Variants in SEMA3G observed in about 807,000 individuals in gnomAD.
The protein encoded by SEMA3G is semaphorin 3G, also known as semaphorin-3G.
Under a neutral mutation model 86.2 loss-of-function variants are expected in SEMA3G, and 70 were observed. The ratio of observed to expected loss-of-function variants is 0.81; its 90% confidence interval spans 0.67 to 0.99. The LOEUF is 0.99. Ranked by LOEUF, SEMA3G falls within the 50% of genes least tolerant of loss-of-function variation. The pLI, the probability that SEMA3G is intolerant of heterozygous loss-of-function variation, is 0.00. For missense variants in SEMA3G, 1,002 were observed against 1,072.4 expected, an observed-to-expected ratio of 0.93 and a Z score of 0.92; for synonymous variants, 416 against 441.4, an observed-to-expected ratio of 0.94 and a Z score of 0.72.
At chr3:52,443,116 G>A in intron 1 of SEMA3G, 4 of 1,402,492 alleles carry the variant, frequency 2.9e-6, no homozygotes, top group Non-Finnish European at 3.9e-6. Flanking sequence ...ACCTGGCCCA[G>A]CCTACCCTGG....
chr3:52,438,877 G>A (rs1706095407), intron 13 of SEMA3G, 43 bp downstream of exon 13: 2 of 1,610,254 alleles, frequency 1.2e-6, no homozygotes, highest in African/African-American at 2.7e-5. Flanking sequence ...TGCGGAGCAG[G>A]GGCAGAAGGG....
rs1178857359 is a variant in SEMA3G, at chr3:52,442,813, G to C, written c.210C>G (p.Leu70=). The part of the protein sequence containing the change: ...AMYLDEYRDR[L]FLGGLDALYS... ...AGAGGGCGTCCAGGCCACCCAGAAA[G>C]AGGCGGTCTCGGTACTCATCTAGGT... The change falls in exon 2 of 16, where the codon CTC becomes CTG. Residue 70 remains leucine (L), a synonymous_variant. Coordinates refer to ENST00000231721, the MANE Select transcript of SEMA3G (RefSeq NM_020163.3). This position sits in a 1 kb window ranked among gnomAD's most constrained non-coding sequence, Gnocchi z 6.1. 6.2e-7 allele frequency: 1 copy of C among 1,613,838 alleles called. No individual in the cohort carries two copies. The highest frequency in any genetic ancestry group is 8.5e-7 in the Non-Finnish European group (1 of 1,179,920).
intron 1 of SEMA3G, among the ~76,000 whole-genome samples, chr3:52,443,686 C>T (rs1706204107): frequency 1.3e-5 from 2 of 152,206 alleles, no homozygotes; most frequent in South Asian, 2.1e-4. Flanking sequence ...AACTCATCAA[C>T]GGTCTCTTCC....
rs1052733043 is a variant in SEMA3G, at chr3:52,435,125, G to A, written c.*478C>T. On this transcript the variant is annotated 3_prime_UTR_variant, in exon 16 of 16. Transcript: ENST00000231721. ...TGTGTTCCCTCCCCAAGTCGGTCAG[G>A]TAGGCTCTTCTTACGGGGTGCTAGC... is the stretch of plus-strand genomic sequence containing the variant. 6.2e-6 allele frequency: 1 copy of A among 161,322 alleles called. No homozygotes were observed. The highest frequency in any genetic ancestry group is 2.4e-5 in the African/African-American group (1 of 41,566). The allele number at this position is 161,322 out of a possible 1,614,324, so 10.0% of individuals were successfully genotyped here.
In SEMA3G at chr3:52,435,317, C is replaced by T. The variant is rs776226693; in HGVS notation, c.*286G>A. 10 of 485,870 alleles carry T rather than the reference C, an allele frequency of 2.1e-5. No individual in the cohort carries two copies. Among genetic ancestry groups the T allele is most frequent in the Non-Finnish European group, 3.3e-5 (9 of 269,196 alleles). The allele number at this position is 485,870 out of a possible 1,614,324, so 30.1% of individuals were successfully genotyped here. A position where few individuals can be genotyped will look rare whatever the true frequency, so the allele number is the denominator to read the frequency against. ...TCTGGGCACACCCGGAAATGTGTTG[C>T]GGAAGCCAGGCCATCTCTGAGAACA... On this transcript the variant is annotated 3_prime_UTR_variant, in exon 16 of 16. Transcript: ENST00000231721.
chr3:52,443,985 C>T (rs1706210596), intron 1 of SEMA3G, among the ~76,000 whole-genome samples: 1 of 152,206 alleles, frequency 6.6e-6, no homozygotes, highest in Non-Finnish European at 1.5e-5. Flanking sequence ...ACACAGGAAC[C>T]CCCAGGCTGG....
In SEMA3G at chr3:52,442,495, G is replaced by A. The variant is rs971255445; in HGVS notation, c.339+64C>T. Reference sequence around the variant, plus strand: ...GTAGAGGTACCTGGGGCGTGGTCACGGATTGTCCTGGGGGTCAGGGCAGGG... The same window carrying A: ...GTAGAGGTACCTGGGGCGTGGTCACAGATTGTCCTGGGGGTCAGGGCAGGG... On this transcript the variant is annotated intron_variant, in intron 3 of 15. Transcript: ENST00000231721. The surrounding 1 kb of genome is among the most constrained non-coding windows in gnomAD (Gnocchi z 6.1). 4.4e-6 allele frequency: 7 copies of A among 1,583,452 alleles called. No homozygotes were observed. Among genetic ancestry groups the A allele is most frequent in the South Asian group, 3.3e-5 (3 of 90,360 alleles).
Position 52,436,010 on chromosome 3 carries a change from A to T in SEMA3G, c.1942T>A (p.Phe648Ile). ...RGLLFRRLSRFDAGTYTCTTL... is the reference protein window; with the variant it reads ...RGLLFRRLSRIDAGTYTCTTL... ...GTGCAGGTGTAGGTGCCCGCATCGA[A>T]ACGGCTAAGCCTGCGGAACAGCAGC... The change falls in exon 16 of 16, where the codon TTC becomes ATC. Residue 648 changes from phenylalanine to isoleucine, a missense_variant. Coordinates refer to ENST00000231721, the MANE Select transcript of SEMA3G (RefSeq NM_020163.3). The T allele has an allele frequency of 6.2e-7, 1 of 1,613,658 alleles. No individual in the cohort carries two copies. Among genetic ancestry groups the T allele is most frequent in the Non-Finnish European group, 8.5e-7 (1 of 1,180,018 alleles).
At position 52,435,867 on chromosome 3, in the gene SEMA3G, C is replaced by G. The variant is rs992710184; in HGVS notation, c.2085G>C (p.Arg695=). The G allele has an allele frequency of 9.3e-6, 15 of 1,613,892 alleles. No homozygotes were observed. Among genetic ancestry groups the G allele is most frequent in the African/African-American group, 1.3e-5 (1 of 74,916 alleles). The change falls in exon 16 of 16, where the codon CGG becomes CGC. Residue 695 remains arginine (R), a synonymous_variant. Coordinates refer to ENST00000231721, the MANE Select transcript of SEMA3G (RefSeq NM_020163.3). ...TGGGTGGGGTGGAAGCCAGGCCTCC[C>G]CGGGCTGGGGGCTCCTCTGGCTTTG... is the stretch of plus-strand genomic sequence containing the variant. ...PEPKPEEPPA[R]GGLASTPPKA...
chr3:52,437,346 C>A (rs1254949754), intron 15 of SEMA3G, among the ~76,000 whole-genome samples, 181 bp downstream of exon 15: 15 of 152,284 alleles, frequency 9.9e-5, no homozygotes, highest in African/African-American at 2.9e-4. Flanking sequence ...CCTGGGCATT[C>A]CCAAAAGGCA....
Position 52,442,410 on chromosome 3 carries a change from TG to T in SEMA3G, c.340-107del. 2.1e-6 allele frequency: 1 copy of T among 479,340 alleles called. No individual in the cohort carries two copies. The highest frequency in any genetic ancestry group is 4.1e-6 in the Non-Finnish European group (1 of 244,916). The allele number at this position is 479,340 out of a possible 1,614,324, so 29.7% of individuals were successfully genotyped here. On this transcript the variant is annotated intron_variant, in intron 3 of 15. Coordinates refer to ENST00000231721, the MANE Select transcript of SEMA3G (RefSeq NM_020163.3). This position sits in a 1 kb window ranked among gnomAD's most constrained non-coding sequence, Gnocchi z 6.1. Reference sequence around the variant, plus strand: ...TGGCGGTCAGCTCTGGGGAGGGGGGTGGGTGTGACATTCCCAGCAGACCTTC... The same window carrying T: ...TGGCGGTCAGCTCTGGGGAGGGGGGTGGTGTGACATTCCCAGCAGACCTTC...
At position 52,444,899 on chromosome 3, in the gene SEMA3G, G is replaced by A. The variant is rs766455494; in HGVS notation, c.115+14C>T. The A allele has an allele frequency of 2.3e-6, 3 of 1,302,440 alleles. No individual in the cohort carries two copies. The highest frequency in any genetic ancestry group is 3.1e-5 in the African/African-American group (2 of 64,732). 80.7% of individuals were successfully genotyped at this position (1,302,440 alleles called of 1,614,324 possible). ...GGGCACATGCACACAAACAGGGCAC[G>A]CAGGGGCTGGTACCTCGGTAGGAGA... On this transcript the variant is annotated intron_variant, in intron 1 of 15. Transcript: ENST00000231721.
intron 5 of SEMA3G, 29 bp downstream of exon 5, chr3:52,441,790 G>A: frequency 4.4e-6 from 7 of 1,602,314 alleles, no homozygotes; most frequent in Non-Finnish European, 5.1e-6. Context: ...CACCCTCCCT[G>A]TTCTCACCCT....
In SEMA3G at chr3:52,441,561, G is replaced by A; in HGVS notation, c.667+13C>T. 2 of 1,607,248 alleles carry A rather than the reference G, an allele frequency of 1.2e-6. No individual in the cohort carries two copies. Among genetic ancestry groups the A allele is most frequent in the South Asian group, 1.1e-5 (1 of 90,964 alleles). ...GCCTCTTCACCCCTGCCAGTTCCAG[G>A]GGCAGGCCTCACCGTGCAAGAGACT... On this transcript the variant is annotated intron_variant, in intron 6 of 15. Coordinates refer to ENST00000231721, the MANE Select transcript of SEMA3G (RefSeq NM_020163.3).
Position 52,442,509 on chromosome 3 carries a change from G to T in SEMA3G, c.339+50C>A, listed in dbSNP as rs749891529. ...GGCGTGGTCACGGATTGTCCTGGGG[G>T]TCAGGGCAGGGTGTCAGGTCGGGGG... On this transcript the variant is annotated intron_variant, in intron 3 of 15. Transcript: ENST00000231721. This position sits in a 1 kb window ranked among gnomAD's most constrained non-coding sequence, Gnocchi z 6.1. 7 of 1,596,724 alleles carry T rather than the reference G, an allele frequency of 4.4e-6. 1 individual carries two copies. The East Asian group carries it at 1.3e-4, about 31-fold the overall frequency.
In SEMA3G at chr3:52,435,875, G is replaced by C; in HGVS notation, c.2077C>G (p.Pro693Ala). ...GTGGAAGCCAGGCCTCCCCGGGCTG[G>C]GGGCTCCTCTGGCTTTGGCTCCGGA... ...FPPEPKPEEP[P>A]ARGGLASTPP... Residue 693 changes from proline to alanine, a missense_variant, in exon 16 of 16, where the codon CCA (proline) becomes GCA (alanine). By Grantham distance (27) the Pro-to-Ala change is conservative. Transcript: ENST00000231721. 1 of 1,614,104 alleles carries C rather than the reference G, an allele frequency of 6.2e-7. No individual in the cohort carries two copies.
At chr3:52,439,122 T>G (rs147468698) in intron 12 of SEMA3G, among the ~76,000 whole-genome samples, 161 bp from the exon 13 acceptor site, 114 of 152,226 alleles carry the variant, frequency 7.5e-4, no homozygotes, top group African/African-American at 2.6e-3. Flanking sequence ...TCCCAGACGA[T>G]GGGTTACAAG....
intron 10 of SEMA3G, 36 bp downstream of exon 10, chr3:52,440,341 C>T (rs748425891): frequency 2.6e-6 from 4 of 1,549,428 alleles, no homozygotes; most frequent in South Asian, 2.5e-5. Flanking sequence ...TCTGCTCAGG[C>T]CTCGCTTCCC....
Position 52,442,924 on chromosome 3 carries a change from G to C in SEMA3G, c.116-17C>G, listed in dbSNP as rs1435881270. ...ACAGGAGGTCTAGGAGGATGTATGGGGAGGCAGATCAGGGCCACAGCTCAG... is the reference window on the plus strand; with the variant it reads ...ACAGGAGGTCTAGGAGGATGTATGGCGAGGCAGATCAGGGCCACAGCTCAG... On this transcript the variant is annotated splice_polypyrimidine_tract_variant and intron_variant, in intron 1 of 15. Coordinates refer to ENST00000231721, the MANE Select transcript of SEMA3G (RefSeq NM_020163.3). The surrounding 1 kb of genome is among the most constrained non-coding windows in gnomAD (Gnocchi z 6.1). 2 of 1,577,060 alleles carry C rather than the reference G, an allele frequency of 1.3e-6. No individual in the cohort carries two copies. The highest frequency in any genetic ancestry group is 1.7e-6 in the Non-Finnish European group (2 of 1,161,416).
Sources: gnomAD v4.1 joint callset for allele counts (sites outside exome capture counted in the v4.1 genomes callset) on GRCh38, gnomAD v4.1.1 for gene constraint, Gnocchi (gnomAD v3.1) non-coding constraint, MANE v1.5 for transcripts, NCBI Gene and HGNC (gene_info 2026-07-23, HGNC 2026-07-21) for gene names.